KHDRBS2: variants seen among roughly 807,000 people sequenced by gnomAD.
The protein encoded by KHDRBS2 is KH RNA binding domain containing, signal transduction associated 2, also known as KH domain-containing, RNA-binding, signal transduction-associated protein 2.
Under a neutral mutation model 44.3 loss-of-function variants are expected in KHDRBS2, and 26 were observed. That is an observed-to-expected ratio of 0.59 (90% CI 0.43 to 0.81). The LOEUF (loss-of-function observed/expected upper bound fraction) is 0.81. Ranked by LOEUF, KHDRBS2 falls within the 40% of genes least tolerant of loss-of-function variation. The pLI is 0.00. For synonymous variants in KHDRBS2, 194 were observed against 151.1 expected (o/e 1.28, Z -2.08); for missense variants, 476 against 433.1 (o/e 1.10, Z -0.88).
rs187133204 is a variant in KHDRBS2 at position 62,034,219 on chromosome 6, G to C, written c.336+13659C>G. Among the ~76,000 whole-genome samples the C allele has an allele frequency of 2.0e-5, 3 of 151,836 alleles. No homozygotes were observed. In the South Asian group the frequency reaches 6.2e-4, roughly 32 times the overall value. ...AAATAAATAAAAAAGACCAGAACCC[G>C]ATGGCTTTTACTGCTGAATTCTGCC... On this transcript the variant is annotated intron_variant, in intron 3 of 8. Transcript: ENST00000281156.
At chr6:61,561,625 C>G in the KHDRBS2 span, among the ~76,000 whole-genome samples, 1 of 152,230 alleles carries the variant, frequency 6.6e-6, no homozygotes, top group East Asian at 1.9e-4. Flanking sequence ...CCATGGTCAC[C>G]CCCACAACAG....
the KHDRBS2 span, among the ~76,000 whole-genome samples, chr6:61,665,339 A>G: frequency 1.5e-4 from 23 of 151,546 alleles, no homozygotes; most frequent in African/African-American, 4.6e-4. Context: ...GTTTTACTAC[A>G]ATGTAAGGGT....
intron 1 of KHDRBS2, among the ~76,000 whole-genome samples, chr6:62,220,300 A>T (rs1304923663): frequency 6.6e-6 from 1 of 151,962 alleles, no homozygotes; most frequent in Admixed American, 6.6e-5. Flanking sequence ...GCAATAAATG[A>T]TCTCAGATGA....
At chr6:62,119,156 C>G (rs985100664) in intron 2 of KHDRBS2, among the ~76,000 whole-genome samples, 2 of 152,086 alleles carry the variant, frequency 1.3e-5, no homozygotes, top group Non-Finnish European at 2.9e-5. Flanking sequence ...ATGCTAAGGA[C>G]TCTACTTCTA....
intron 2 of KHDRBS2, among the ~76,000 whole-genome samples, chr6:62,107,589 A>G (rs1384594420): frequency 1.3e-5 from 2 of 152,190 alleles, no homozygotes; most frequent in Admixed American, 1.3e-4. Flanking sequence ...ATTGGAAAAA[A>G]ATACTTTAAA....
chr6:61,709,221 T>C (rs182226343), intron 7 of KHDRBS2, among the ~76,000 whole-genome samples: 5 of 151,794 alleles, frequency 3.3e-5, no homozygotes, highest in Admixed American at 1.3e-4. Flanking sequence ...CTTCTTGAAA[T>C]ATTCTGAAAC....
At chr6:61,550,668 G>A in the KHDRBS2 span, among the ~76,000 whole-genome samples, 27 of 151,466 alleles carry the variant, frequency 1.8e-4, no homozygotes, top group East Asian at 5.8e-4. Context: ...ACATTCCCAA[G>A]AGCAGCATAT....
chr6:62,252,633 T>C (rs1180142980), intron 1 of KHDRBS2, among the ~76,000 whole-genome samples: 2 of 152,018 alleles, frequency 1.3e-5, no homozygotes, highest in Non-Finnish European at 2.9e-5. Flanking sequence ...TATTTTTACC[T>C]GTCTCAAAGT....
intron 2 of KHDRBS2, among the ~76,000 whole-genome samples, chr6:62,110,265 C>T (rs1467646465): frequency 3.3e-5 from 5 of 152,018 alleles, no homozygotes; most frequent in Admixed American, 2.6e-4. Flanking sequence ...AAAACAATCT[C>T]ACAATTTCTA....
chr6:61,617,894 A>G, the KHDRBS2 span, among the ~76,000 whole-genome samples: 1 of 152,168 alleles, frequency 6.6e-6, no homozygotes, highest in African/African-American at 2.4e-5. Context: ...ATACTACATA[A>G]CATAAAAATT....
At chr6:62,233,176 C>G (rs1339230927) in intron 1 of KHDRBS2, among the ~76,000 whole-genome samples, 1 of 152,050 alleles carries the variant, frequency 6.6e-6, no homozygotes, top group Non-Finnish European at 1.5e-5. Flanking sequence ...GGCTCAGATG[C>G]CAGAGGAAAA....
intron 6 of KHDRBS2, among the ~76,000 whole-genome samples, chr6:61,862,499 A>G (rs1458872351): frequency 1.3e-5 from 2 of 152,096 alleles, no homozygotes; most frequent in African/African-American, 2.4e-5. Flanking sequence ...TTACTTCAAT[A>G]CCTAGTTAAT....
chr6:62,198,741 C>G (rs1476457314), intron 1 of KHDRBS2, among the ~76,000 whole-genome samples: 1 of 152,140 alleles, frequency 6.6e-6, no homozygotes, highest in Non-Finnish European at 1.5e-5. Flanking sequence ...TTTTATGAGG[C>G]CAGCAACATC....
At chr6:61,818,058 C>G (rs1363200122) in intron 6 of KHDRBS2, among the ~76,000 whole-genome samples, 1 of 151,912 alleles carries the variant, frequency 6.6e-6, no homozygotes, top group Non-Finnish European at 1.5e-5. Flanking sequence ...AGGGAAAAAT[C>G]CCTAAAAGTG....
At chr6:61,670,643 C>T in the KHDRBS2 span, among the ~76,000 whole-genome samples, 2 of 151,186 alleles carry the variant, frequency 1.3e-5, no homozygotes, top group South Asian at 2.1e-4. Context: ...TTGTAAATTC[C>T]GTAAATAAGT....
chr6:62,198,572 T>C (rs1826192953), intron 1 of KHDRBS2, among the ~76,000 whole-genome samples: 1 of 151,926 alleles, frequency 6.6e-6, no homozygotes, highest in Non-Finnish European at 1.5e-5. Flanking sequence ...CAATAAAGGC[T>C]CTGAAATTGA....
intron 6 of KHDRBS2, among the ~76,000 whole-genome samples, chr6:61,811,912 A>C (rs1284151387): frequency 1.3e-5 from 2 of 152,034 alleles, no homozygotes; most frequent in Non-Finnish European, 2.9e-5. Context: ...AGTGTGATTT[A>C]ATCAAAAGTT....
At chr6:62,002,879 G>T (rs953490464) in intron 3 of KHDRBS2, among the ~76,000 whole-genome samples, 6 of 151,666 alleles carry the variant, frequency 4.0e-5, no homozygotes, top group Admixed American at 1.3e-4. Flanking sequence ...TTCTATAACA[G>T]AATTTTAAAA....
the KHDRBS2 span, among the ~76,000 whole-genome samples, chr6:61,671,780 A>G: frequency 6.6e-6 from 1 of 151,796 alleles, no homozygotes; most frequent in Non-Finnish European, 1.5e-5. Context: ...TTCTTAACAC[A>G]TGACTGCATG....
Sources: gnomAD v4.1 joint callset for allele counts (sites outside exome capture counted in the v4.1 genomes callset) on GRCh38, gnomAD v4.1.1 for gene constraint, MANE v1.5 for transcripts, NCBI Gene and HGNC (gene_info 2026-07-23, HGNC 2026-07-21) for gene names.